Variants in GARIN1B observed in about 807,000 individuals in gnomAD.
GARIN1B encodes the protein golgi associated RAB2 interactor 1B.
chr7:128,718,861 G>C, the GARIN1B span: 4 of 1,614,156 alleles, frequency 2.5e-6, no homozygotes, highest in Non-Finnish European at 3.4e-6. Flanking sequence ...TGGAGCTCCA[G>C]GTATGTGACC....
chr7:128,719,092 G>A, the GARIN1B span: 3 of 1,611,994 alleles, frequency 1.9e-6, no homozygotes, highest in Non-Finnish European at 2.5e-6. Context: ...AGGTAAGTGA[G>A]CACCATTGCC....
At chr7:128,722,856 C>T in the GARIN1B span, among the ~76,000 whole-genome samples, 5 of 152,160 alleles carry the variant, frequency 3.3e-5, no homozygotes, top group African/African-American at 1.2e-4. Flanking sequence ...GATTCCCCTA[C>T]ATTTAAGTAT....
the GARIN1B span, among the ~76,000 whole-genome samples, chr7:128,725,483 T>C: frequency 6.6e-6 from 1 of 152,176 alleles, no homozygotes; most frequent in African/African-American, 2.4e-5. Flanking sequence ...GCGATTCTAA[T>C]GCCTTAGCCT....
the GARIN1B span, chr7:128,726,715 A>G: frequency 8.3e-6 from 9 of 1,085,698 alleles, no homozygotes; most frequent in South Asian, 1.4e-5. Context: ...TCATATTTAT[A>G]TCTGTCTCTA....
the GARIN1B span, chr7:128,715,413 G>A: frequency 8.7e-6 from 14 of 1,607,182 alleles, no homozygotes; most frequent in Middle Eastern, 3.3e-4. Context: ...CAGGACAAAT[G>A]TGCAGCAGGC....
At chr7:128,731,135 G>T in the GARIN1B span, 2 of 1,605,890 alleles carry the variant, frequency 1.2e-6, no homozygotes, top group Non-Finnish European at 1.7e-6. Flanking sequence ...GCACTGGGGA[G>T]AATCTATGCA....
At chr7:128,729,951 T>C in the GARIN1B span, 35 of 1,614,068 alleles carry the variant, frequency 2.2e-5, no homozygotes, top group Non-Finnish European at 3.0e-5. Context: ...GTGACCTACG[T>C]TGGAGGGCTT....
chr7:128,717,028 G>A, the GARIN1B span: 1 of 1,546,784 alleles, frequency 6.5e-7, no homozygotes. Flanking sequence ...TGGAGGACAA[G>A]AGGGGTGAGG....
At chr7:128,711,237 A>G in the GARIN1B span, among the ~76,000 whole-genome samples, 1 of 148,748 alleles carries the variant, frequency 6.7e-6, no homozygotes, top group East Asian at 2.0e-4. Flanking sequence ...TATTTTAATT[A>G]AAAAAAAAAG....
the GARIN1B span, among the ~76,000 whole-genome samples, chr7:128,717,619 G>C: frequency 2.6e-4 from 40 of 151,506 alleles, no homozygotes; most frequent in Non-Finnish European, 1.2e-4. Context: ...GATAATTTTT[G>C]TATTTTTAAT....
the GARIN1B span, among the ~76,000 whole-genome samples, chr7:128,729,615 C>T: frequency 1.3e-5 from 2 of 152,202 alleles, no homozygotes; most frequent in South Asian, 2.1e-4. Flanking sequence ...TATTGGGTCT[C>T]TCCTTTTACT....
At chr7:128,713,066 A>G in the GARIN1B span, among the ~76,000 whole-genome samples, 1 of 152,116 alleles carries the variant, frequency 6.6e-6, no homozygotes, top group South Asian at 2.1e-4. Context: ...GCACTTTGGG[A>G]GGTCAAGGCG....
chr7:128,716,467 A>G, the GARIN1B span, among the ~76,000 whole-genome samples: 9 of 152,168 alleles, frequency 5.9e-5, no homozygotes, highest in Non-Finnish European at 1.2e-4. Context: ...CCTGTGGGCA[A>G]TTGTTAACAA....
the GARIN1B span, among the ~76,000 whole-genome samples, chr7:128,710,442 A>G: frequency 6.6e-6 from 1 of 152,166 alleles, no homozygotes; most frequent in Admixed American, 6.6e-5. Context: ...CTAGTCACTA[A>G]GGACTCAATC....
the GARIN1B span, among the ~76,000 whole-genome samples, chr7:128,723,802 G>A: frequency 2.6e-5 from 4 of 151,720 alleles, no homozygotes; most frequent in African/African-American, 4.8e-5. Flanking sequence ...ATGAGCCACC[G>A]CGCCCAGTCA....
the GARIN1B span, among the ~76,000 whole-genome samples, chr7:128,723,758 C>T: frequency 1.5e-3 from 233 of 151,420 alleles, no homozygotes; most frequent in African/African-American, 5.4e-3. Flanking sequence ...GTGAGCTGCC[C>T]GCCTCGGCCT....
At chr7:128,715,671 T>C in the GARIN1B span, 1 of 1,614,094 alleles carries the variant, frequency 6.2e-7, no homozygotes, top group South Asian at 1.1e-5. Context: ...TCCGTGGTGT[T>C]TGAAAGCAAC....
the GARIN1B span, chr7:128,714,224 G>A: frequency 8.1e-7 from 1 of 1,238,334 alleles, no homozygotes. Context: ...TGTAATGATT[G>A]TCAAACTCTG....
At chr7:128,715,432 A>G in the GARIN1B span, 39 of 1,612,890 alleles carry the variant, frequency 2.4e-5, no homozygotes, top group Admixed American at 3.3e-5. Flanking sequence ...GCCCCTGAGC[A>G]TGTGTAGAAA....
Sources: gnomAD v4.1 joint callset for allele counts (sites outside exome capture counted in the v4.1 genomes callset) on GRCh38, gnomAD v4.1.1 for gene constraint, MANE v1.5 for transcripts, NCBI Gene and HGNC (gene_info 2026-07-23, HGNC 2026-07-21) for gene names.